Variants in TNS1 observed in about 807,000 individuals in gnomAD.
TNS1 encodes tensin 1.
A neutral mutation model predicts 168.6 loss-of-function variants in TNS1; 62 were observed. The ratio of observed to expected loss-of-function variants is 0.37; its 90% CI spans 0.30 to 0.45. The LOEUF (loss-of-function observed/expected upper bound fraction) is 0.45. Ranked by LOEUF, TNS1 falls within the 20% of genes least tolerant of loss-of-function variation. TNS1 has a pLI of 1.00. For missense variants in TNS1, 2,240 were observed against 2,339.4 expected, an observed-to-expected ratio of 0.96 and a Z score of 0.88; for synonymous variants, 934 against 933.2, an observed-to-expected ratio of 1.00 and a Z score of -0.02.
chr2:217,916,269 C>T (rs570314710), intron 4 of TNS1, among the ~76,000 whole-genome samples: 4 of 151,992 alleles, frequency 2.6e-5, no homozygotes, highest in Non-Finnish European at 5.9e-5. Context: ...CTGGGCAATT[C>T]CTATTCCCCC....
intron 1 of TNS1, among the ~76,000 whole-genome samples, chr2:217,998,050 C>T (rs1260359732): frequency 6.6e-6 from 1 of 152,224 alleles, no homozygotes; most frequent in Admixed American, 6.5e-5. Context: ...TGACCAGGTA[C>T]TGTCATCTTC....
At chr2:217,809,683 G>T in intron 30 of TNS1, 140 bp downstream of exon 30, 2 of 872,076 alleles carry the variant, frequency 2.3e-6, no homozygotes, top group Admixed American at 2.5e-5. Context: ...ATGGGAGGTA[G>T]ATGCAAGATA....
intron 3 of TNS1, among the ~76,000 whole-genome samples, chr2:217,950,193 C>T (rs1162549791): frequency 6.6e-6 from 1 of 152,186 alleles, no homozygotes; most frequent in African/African-American, 2.4e-5. Flanking sequence ...GTTAAAGAAA[C>T]CGAGCCCAAT....
intron 2 of TNS1, among the ~76,000 whole-genome samples, chr2:217,979,504 C>T (rs550072824): frequency 6.7e-6 from 1 of 150,278 alleles, no homozygotes; most frequent in Non-Finnish European, 1.5e-5. Flanking sequence ...ACATAAACTT[C>T]ATGTGCATGA....
intron 7 of TNS1, among the ~76,000 whole-genome samples, 175 bp downstream of exon 7, chr2:217,900,288 T>C (rs1952809052): frequency 6.6e-6 from 1 of 152,232 alleles, no homozygotes; most frequent in African/African-American, 2.4e-5. Context: ...AAAACACAAC[T>C]GTTGCCAACG....
At position 217,803,723 on chromosome 2, in the gene TNS1, TC is replaced by T. The variant is rs1217169808; in HGVS notation, c.*735del. ...CTGTCACCCATAGCTTGGTTGTTTG[TC>T]CCTCCCCTGCTGCACTGCCACCACC... On this transcript the variant is annotated 3_prime_UTR_variant, in exon 33 of 33. Transcript: ENST00000682258. 1 of 152,674 alleles carries T rather than the reference TC, an allele frequency of 6.5e-6. No homozygotes were observed. The highest frequency in any genetic ancestry group is 1.5e-5 in the Non-Finnish European group (1 of 68,112). The allele number at this position is 152,674 out of a possible 1,614,324, so 9.5% of individuals were successfully genotyped here. A position where few individuals can be genotyped will look rare whatever the true frequency, so the allele number is the denominator to read the frequency against.
chr2:217,817,322 C>T (rs1274996902), intron 24 of TNS1, among the ~76,000 whole-genome samples: 2 of 152,168 alleles, frequency 1.3e-5, no homozygotes, highest in East Asian at 3.9e-4. Flanking sequence ...TTAATACCTA[C>T]TTTACTAAGT....
At chr2:218,007,187 C>G (rs1958665829), upstream of TNS1, among the ~76,000 whole-genome samples, 1 of 152,190 alleles carries the variant, frequency 6.6e-6, no homozygotes, top group African/African-American at 2.4e-5. Flanking sequence ...ACCCAGGAAT[C>G]TACACCAAAG....
intron 3 of TNS1, among the ~76,000 whole-genome samples, chr2:217,946,246 T>C (rs12998693): frequency 0.036 from 5,466 of 152,266 alleles, 178 homozygotes; most frequent in Non-Finnish European, 0.049. Flanking sequence ...GTGGGCACTG[T>C]CCCCTCCTCT....
chr2:217,905,913 C>A (rs1296391543), intron 6 of TNS1, among the ~76,000 whole-genome samples: 3 of 152,224 alleles, frequency 2.0e-5, no homozygotes, highest in African/African-American at 4.8e-5. Flanking sequence ...GTGGAGCTTG[C>A]TATTTTCTAA....
chr2:217,799,973 T>C lies in TNS1; in HGVS notation c.*4486A>G, dbSNP rs1474430832. 1.3e-5 allele frequency: 2 copies of C among 152,134 alleles called. No homozygotes were observed. The highest frequency in any genetic ancestry group is 2.9e-5 in the Non-Finnish European group (2 of 68,032). The allele number at this position is 152,134 out of a possible 1,614,324, so 9.4% of individuals were successfully genotyped here. A position where few individuals can be genotyped will look rare whatever the true frequency, so the allele number is the denominator to read the frequency against. On this transcript the variant is annotated 3_prime_UTR_variant, in exon 33 of 33. Coordinates refer to ENST00000682258, the MANE Select transcript of TNS1 (RefSeq NM_001387777.1). ...ACGATGATACAAAATATAAAGTATA[T>C]TTCCATCTATATAAATACACAGCTG...
At chr2:217,942,239 G>C (rs1956948329) in intron 3 of TNS1, among the ~76,000 whole-genome samples, 1 of 152,188 alleles carries the variant, frequency 6.6e-6, no homozygotes, top group South Asian at 2.1e-4. Context: ...AGAACCCTCA[G>C]CTCCTGGTTA....
chr2:217,826,046 C>A (rs899300345), intron 22 of TNS1, among the ~76,000 whole-genome samples: 1 of 152,174 alleles, frequency 6.6e-6, no homozygotes. Flanking sequence ...CCCCACCTGG[C>A]CCTGCCCTCA....
chr2:217,918,978 T>C (rs1170978914), intron 4 of TNS1, among the ~76,000 whole-genome samples: 2 of 117,434 alleles, frequency 1.7e-5, no homozygotes, highest in Non-Finnish European at 3.5e-5. Flanking sequence ...GAGGGACCAC[T>C]GCAAAGAAGG....
chr2:217,854,556 G>T, intron 18 of TNS1, among the ~76,000 whole-genome samples: 1 of 152,286 alleles, frequency 6.6e-6, no homozygotes, highest in Non-Finnish European at 1.5e-5. Flanking sequence ...AAGAAGCACC[G>T]TGCCTACCCC....
chr2:217,819,329 C>T (rs778043307), intron 23 of TNS1, among the ~76,000 whole-genome samples: 1 of 152,210 alleles, frequency 6.6e-6, no homozygotes, highest in Admixed American at 6.5e-5. Flanking sequence ...GATTTGAGGT[C>T]ATTGTAAGGT....
intron 6 of TNS1, chr2:217,905,263 G>GAGTACC (rs1953518876): frequency 6.1e-6 from 2 of 327,532 alleles, no homozygotes; most frequent in Non-Finnish European, 1.2e-5. Context: ...TCCCCAGTAT[G>GAGTACC]AGTACCCCAC....
intron 3 of TNS1, among the ~76,000 whole-genome samples, chr2:217,969,683 T>TC (rs1339513150): frequency 6.6e-6 from 1 of 152,094 alleles, no homozygotes; most frequent in African/African-American, 2.4e-5. Context: ...GAAAAGACAC[T>TC]CAACATCATT....
intron 18 of TNS1, among the ~76,000 whole-genome samples, chr2:217,865,621 G>A (rs1019472974): frequency 6.6e-6 from 1 of 152,186 alleles, no homozygotes; most frequent in Non-Finnish European, 1.5e-5. Flanking sequence ...GCATCGACTG[G>A]CTGTAAAGAT....
Sources: gnomAD v4.1 joint callset for allele counts (sites outside exome capture counted in the v4.1 genomes callset) on GRCh38, gnomAD v4.1.1 for gene constraint, MANE v1.5 for transcripts, NCBI Gene and HGNC (gene_info 2026-07-23, HGNC 2026-07-21) for gene names.